The following LRRC69 variants were observed in gnomAD, a reference collection of about 807,000 sequenced individuals.
The protein encoded by LRRC69 is leucine rich repeat containing 69.
LRRC69 carries 42 observed loss-of-function variants against 37.8 expected under a neutral mutation model. The ratio of observed to expected loss-of-function variants is 1.11; its 90% CI spans 0.87 to 1.44. The LOEUF is 1.44. LRRC69 is among the 40% of genes most tolerant of loss of function. LRRC69 has a pLI of 0.00. For missense variants in LRRC69, 357 were observed against 401.9 expected, an observed-to-expected ratio of 0.89 and a Z score of 0.96; for synonymous variants, 141 against 143.1, an observed-to-expected ratio of 0.99 and a Z score of 0.11.
chr8:91,181,842 A>T (rs1489005241), intron 5 of LRRC69, among the ~76,000 whole-genome samples: 1 of 152,156 alleles, frequency 6.6e-6, no homozygotes, highest in African/African-American at 2.4e-5. Context: ...AGTTCAAGGG[A>T]TGTAACTAGA....
intron 7 of LRRC69, among the ~76,000 whole-genome samples, chr8:91,211,618 T>TATATA (rs1282294122): frequency 3.4e-4 from 43 of 125,080 alleles, no homozygotes; most frequent in African/African-American, 6.4e-4. Context: ...ATATATATAT[T>TATATA]TTTTTTTTAT....
intron 1 of LRRC69, among the ~76,000 whole-genome samples, chr8:91,113,666 A>G (rs1185999220): frequency 6.6e-6 from 1 of 151,866 alleles, no homozygotes; most frequent in African/African-American, 2.4e-5. Context: ...GATTTTTTGG[A>G]TATGGTGCCA....
intron 5 of LRRC69, 145 bp downstream of exon 5, chr8:91,135,884 CA>C (rs1813903878): frequency 2.1e-6 from 1 of 471,286 alleles, no homozygotes; most frequent in Non-Finnish European, 3.7e-6. Flanking sequence ...TTTAGAATTT[CA>C]AAACCTGTTC....
At position 91,133,600 on chromosome 8, in the gene LRRC69, G is replaced by T. The variant is rs140950974; in HGVS notation, c.579+295G>T. Reference sequence around the variant, plus strand: ...ATAAGTATGTTGCAAATATTGCATGGAATAGACTAAAAAACCTATTTATTG... The same window carrying T: ...ATAAGTATGTTGCAAATATTGCATGTAATAGACTAAAAAACCTATTTATTG... On this transcript the variant is annotated intron_variant, in intron 4 of 7. Transcript: ENST00000448384. 9.6e-4 allele frequency among the ~76,000 whole-genome samples: 146 copies of T among 152,110 alleles called. 1 individual carries two copies. Among genetic ancestry groups the T allele is most frequent in the African/African-American group, 3.4e-3 (141 of 41,558 alleles).
chr8:91,102,713 A>G (rs537890796), exon 1 of LRRC69: 1 of 1,551,654 alleles, frequency 6.4e-7, no homozygotes, highest in East Asian at 2.4e-5. Context: ...AAATACGAAG[A>G]TCATTACTTT....
At chr8:91,208,372 G>T (rs997766170) in intron 7 of LRRC69, among the ~76,000 whole-genome samples, 1 of 152,160 alleles carries the variant, frequency 6.6e-6, no homozygotes, top group Non-Finnish European at 1.5e-5. Context: ...TCAGTAGGGT[G>T]AGAAGACCAG....
intron 1 of LRRC69, among the ~76,000 whole-genome samples, chr8:91,120,653 G>T (rs1813602269): frequency 6.6e-6 from 1 of 152,126 alleles, no homozygotes; most frequent in South Asian, 2.1e-4. Context: ...CTTCCAAGAA[G>T]GGCGCAGGAG....
At chr8:91,194,359 C>T (rs1228237590) in intron 6 of LRRC69, among the ~76,000 whole-genome samples, 2 of 151,350 alleles carry the variant, frequency 1.3e-5, no homozygotes, top group Non-Finnish European at 2.9e-5. Flanking sequence ...ATGCTGGCCT[C>T]ATAAAATGAG....
intron 7 of LRRC69, chr8:91,206,641 C>A: frequency 7.8e-7 from 1 of 1,278,058 alleles, no homozygotes; most frequent in South Asian, 1.3e-5. Flanking sequence ...GACAGATTCC[C>A]TCTCAAAACC....
intron 5 of LRRC69, among the ~76,000 whole-genome samples, chr8:91,147,264 A>G (rs1808637729): frequency 1.2e-5 from 1 of 86,312 alleles, no homozygotes; most frequent in Non-Finnish European, 2.4e-5. Context: ...TATATTATAT[A>G]TAAACATATA....
At chr8:91,155,791 C>G (rs1168519976) in intron 5 of LRRC69, among the ~76,000 whole-genome samples, 1 of 150,268 alleles carries the variant, frequency 6.7e-6, no homozygotes, top group Non-Finnish European at 1.5e-5. Flanking sequence ...CCAGGTTCAT[C>G]CATATTGCCT....
intron 5 of LRRC69, among the ~76,000 whole-genome samples, chr8:91,139,976 T>C (rs1378017030): frequency 1.3e-5 from 2 of 151,204 alleles, no homozygotes; most frequent in African/African-American, 4.9e-5. Flanking sequence ...TAATCTCAGT[T>C]ACTCGGGAGG....
At chr8:91,136,816 C>T (rs2130521174) in intron 5 of LRRC69, among the ~76,000 whole-genome samples, 1 of 152,094 alleles carries the variant, frequency 6.6e-6, no homozygotes, top group African/African-American at 2.4e-5. Flanking sequence ...GATATTTGTC[C>T]TTTTACCACT....
At chr8:91,189,706 G>T in intron 6 of LRRC69, 83 bp downstream of exon 6, 1 of 902,082 alleles carries the variant, frequency 1.1e-6, no homozygotes. Flanking sequence ...AAACATTCTT[G>T]CCAAGCCAGC....
At chr8:91,149,942 G>A (rs1178088821) in intron 5 of LRRC69, among the ~76,000 whole-genome samples, 1 of 152,002 alleles carries the variant, frequency 6.6e-6, no homozygotes, top group Non-Finnish European at 1.5e-5. Context: ...TTTGTATCCT[G>A]AGACTTTGCT....
At chr8:91,129,929 A>T (rs1402486528) in intron 3 of LRRC69, among the ~76,000 whole-genome samples, 1 of 152,012 alleles carries the variant, frequency 6.6e-6, no homozygotes, top group Admixed American at 6.6e-5. Flanking sequence ...ACATAGTCAA[A>T]TATAATGGCC....
At chr8:91,161,704 TTTTG>T (rs1302601636) in intron 5 of LRRC69, among the ~76,000 whole-genome samples, 14 of 151,296 alleles carry the variant, frequency 9.3e-5, no homozygotes, top group African/African-American at 3.4e-4. Flanking sequence ...GCCATGTTGA[TTTTG>T]TTTATCTTTT....
At chr8:91,211,616 A>ATAT (rs1554597817) in intron 7 of LRRC69, among the ~76,000 whole-genome samples, 22 of 137,532 alleles carry the variant, frequency 1.6e-4, no homozygotes, top group South Asian at 6.6e-4. Flanking sequence ...ATATATATAT[A>ATAT]TTTTTTTTTT....
At chr8:91,135,396 T>G (rs1304878535) in intron 4 of LRRC69, among the ~76,000 whole-genome samples, 1 of 152,068 alleles carries the variant, frequency 6.6e-6, no homozygotes, top group Non-Finnish European at 1.5e-5. Context: ...TTATAGTACC[T>G]GCCAGAGGTG....
Sources: gnomAD v4.1 joint callset for allele counts (sites outside exome capture counted in the v4.1 genomes callset) on GRCh38, gnomAD v4.1.1 for gene constraint, MANE v1.5 for transcripts, NCBI Gene and HGNC (gene_info 2026-07-23, HGNC 2026-07-21) for gene names.